The following VWA8 variants were observed in gnomAD, a reference collection of about 807,000 sequenced individuals.
VWA8 encodes von Willebrand factor A domain-containing protein 8.
VWA8 carries 221 observed loss-of-function variants against 241.5 expected under a neutral mutation model. The ratio of observed to expected loss-of-function variants is 0.91; its 90% CI spans 0.82 to 1.02. The LOEUF (loss-of-function observed/expected upper bound fraction) is 1.02. VWA8 is among the 50% of genes least tolerant of loss of function. The pLI is 0.00. For synonymous variants in VWA8, 852 were observed against 827.1 expected, an observed-to-expected ratio of 1.03 and a Z score of -0.52; for missense variants, 2,322 against 2,328.7, an observed-to-expected ratio of 1.00 and a Z score of 0.06.
At chr13:41,705,068 A>T (rs1190354553) in intron 26 of VWA8, among the ~76,000 whole-genome samples, 1 of 152,250 alleles carries the variant, frequency 6.6e-6, no homozygotes, top group African/African-American at 2.4e-5. Flanking sequence ...TTCTAGTAGA[A>T]TATGCTTTTC....
At chr13:41,922,948 G>A (rs910639488) in intron 2 of VWA8, among the ~76,000 whole-genome samples, 1 of 152,178 alleles carries the variant, frequency 6.6e-6, no homozygotes, top group Non-Finnish European at 1.5e-5. Flanking sequence ...TATACCCAAA[G>A]GATTACAAAT....
chr13:41,672,750 A>G (rs1398288924), intron 36 of VWA8, among the ~76,000 whole-genome samples: 1 of 152,240 alleles, frequency 6.6e-6, no homozygotes, highest in Non-Finnish European at 1.5e-5. Flanking sequence ...GGACTCCCAG[A>G]AGGGCTCAAA....
At chr13:41,823,471 G>C (rs2137990036) in intron 14 of VWA8, among the ~76,000 whole-genome samples, 1 of 152,150 alleles carries the variant, frequency 6.6e-6, no homozygotes, top group South Asian at 2.1e-4. Context: ...GTTAATAACA[G>C]AAACTCTCAA....
Position 41,787,384 on chromosome 13 carries a change from A to C in VWA8, c.2170+53T>G, listed in dbSNP as rs1869242857. 3 of 1,391,874 alleles carry C rather than the reference A, an allele frequency of 2.2e-6. 1 individual carries two copies. The highest frequency in any genetic ancestry group is 2.4e-5 in the South Asian group (2 of 84,984). The allele number at this position is 1,391,874 out of a possible 1,614,324, so 86.2% of individuals were successfully genotyped here. ...CTGGAATTAAAATAAACAGCATCAA[A>C]TGTTTGTTAATTATTATTTCACTTA... is the stretch of plus-strand genomic sequence containing the variant. On this transcript the variant is annotated intron_variant, in intron 18 of 44. Coordinates refer to ENST00000379310, the MANE Select transcript of VWA8 (RefSeq NM_015058.2).
chr13:41,568,318 A>AAAGG lies in VWA8; in HGVS notation c.5610-17_5610-14dup. ...AGTTCTCTGAAGCCTGCCAGGATGGAAAGGGAAAGGAAGTTACCACTGTAA... is the reference window on the plus strand; with the variant it reads ...AGTTCTCTGAAGCCTGCCAGGATGGAAAGGAAGGGAAAGGAAGTTACCACTGTAA... On this transcript the variant is annotated splice_polypyrimidine_tract_variant and intron_variant, in intron 44 of 44. Transcript: ENST00000379310. The AAAGG allele has an allele frequency of 6.2e-7, 1 of 1,612,144 alleles. No individual in the cohort carries two copies.
intron 39 of VWA8, among the ~76,000 whole-genome samples, chr13:41,606,111 C>T (rs781137839): frequency 1.3e-5 from 2 of 152,204 alleles, no homozygotes; most frequent in East Asian, 1.9e-4. Flanking sequence ...CTCTGATCCC[C>T]GGGTCTTTCT....
At chr13:41,744,500 TC>T (rs1311206570) in intron 21 of VWA8, among the ~76,000 whole-genome samples, 2 of 152,188 alleles carry the variant, frequency 1.3e-5, no homozygotes, top group Non-Finnish European at 2.9e-5. Context: ...TTTAAGCCCC[TC>T]ATCCCATCCC....
chr13:41,858,331 A>C (rs1197901737), intron 12 of VWA8, among the ~76,000 whole-genome samples: 2 of 152,158 alleles, frequency 1.3e-5, no homozygotes, highest in East Asian at 3.9e-4. Flanking sequence ...CTGGGCCAGG[A>C]GCAGTGGCTC....
At chr13:41,887,022 C>T (rs1466456376) in intron 6 of VWA8, among the ~76,000 whole-genome samples, 175 bp downstream of exon 6, 1 of 152,060 alleles carries the variant, frequency 6.6e-6, no homozygotes, top group Non-Finnish European at 1.5e-5. Context: ...TCAAATAATG[C>T]CATAATAATT....
intron 2 of VWA8, chr13:41,926,047 G>C: frequency 2.2e-6 from 1 of 448,764 alleles, no homozygotes; most frequent in Non-Finnish European, 4.2e-6. Context: ...CAAGGAGAGG[G>C]GGTCAAGTTG....
chr13:41,703,440 T>C, intron 26 of VWA8, 29 bp from the exon 27 acceptor site: 1 of 1,596,600 alleles, frequency 6.3e-7, no homozygotes, highest in Non-Finnish European at 8.6e-7. Context: ...AAAGTAAATA[T>C]TTCTTATTGT....
intron 5 of VWA8, among the ~76,000 whole-genome samples, chr13:41,890,844 G>A (rs182333033): frequency 5.3e-5 from 8 of 152,342 alleles, no homozygotes; most frequent in African/African-American, 1.7e-4. Flanking sequence ...ATCACTGACT[G>A]CTGTGTTGAG....
chr13:41,582,174 C>G (rs1345413605), intron 42 of VWA8, among the ~76,000 whole-genome samples: 4 of 152,242 alleles, frequency 2.6e-5, no homozygotes, highest in Non-Finnish European at 4.4e-5. Context: ...CTCCAAATGG[C>G]TTAGAGATGT....
chr13:41,932,880 A>T (rs1165808234), intron 2 of VWA8, among the ~76,000 whole-genome samples: 1 of 151,796 alleles, frequency 6.6e-6, no homozygotes, highest in African/African-American at 2.4e-5. Context: ...AAGACTAAAA[A>T]CCCTTTCCCC....
At chr13:41,930,108 C>A (rs990572430) in intron 2 of VWA8, among the ~76,000 whole-genome samples, 1 of 152,090 alleles carries the variant, frequency 6.6e-6, no homozygotes, top group African/African-American at 2.4e-5. Flanking sequence ...AAATGGCCAA[C>A]AGGTATATGA....
chr13:41,849,824 T>C (rs548950328), intron 12 of VWA8, among the ~76,000 whole-genome samples: 25 of 151,964 alleles, frequency 1.6e-4, no homozygotes, highest in African/African-American at 5.6e-4. Context: ...GTGGCAGAGG[T>C]TGCAGTGAGC....
chr13:41,891,435 G>A lies in VWA8; in HGVS notation c.636C>T (p.Tyr212=), dbSNP rs57255143. The A allele has an allele frequency of 5.0e-6, 8 of 1,614,136 alleles. No individual in the cohort carries two copies. The highest frequency in any genetic ancestry group is 4.0e-5 in the African/African-American group (3 of 75,040). ...DGRFLMSAER[Y]DKLLRDHTKK... ...CTTTTCTTACTCGGAGAAGTTTGTCGTAACGCTCAGCAGACATCAGGAAGC... is the reference window on the plus strand; with the variant it reads ...CTTTTCTTACTCGGAGAAGTTTGTCATAACGCTCAGCAGACATCAGGAAGC... The change falls in exon 5 of 45, where the codon TAC becomes TAT. Residue 212 remains tyrosine, a synonymous_variant. Coordinates refer to ENST00000379310, the MANE Select transcript of VWA8 (RefSeq NM_015058.2).
intron 20 of VWA8, among the ~76,000 whole-genome samples, chr13:41,770,051 G>GT (rs2045807685): frequency 6.6e-6 from 1 of 151,934 alleles, no homozygotes; most frequent in Non-Finnish European, 1.5e-5. Context: ...ACTCTTGAAA[G>GT]TCGGCAGAAT....
rs891543270 is a variant in VWA8, at chr13:41,819,157, G to A, written c.1869+61C>T. The stretch of plus-strand genomic sequence containing the variant: ...TCTAACTCTACTTTGGCATGTATCA[G>A]AGTGCCTTAAAAAGAGATCAGCTTT... On this transcript the variant is annotated intron_variant, in intron 15 of 44. Coordinates refer to ENST00000379310, the MANE Select transcript of VWA8 (RefSeq NM_015058.2). 5.3e-6 allele frequency: 8 copies of A among 1,513,350 alleles called. No individual in the cohort carries two copies. In the African/African-American group the frequency reaches 9.9e-5, roughly 19 times the overall value. The allele number at this position is 1,513,350 out of a possible 1,614,324, so 93.7% of individuals were successfully genotyped here.
Sources: allele counts gnomAD v4.1 joint callset (sites outside exome capture counted in the v4.1 genomes callset), GRCh38; gene constraint gnomAD v4.1.1; transcripts MANE v1.5; gene names NCBI Gene and HGNC (gene_info 2026-07-23, HGNC 2026-07-21).